The following ANO4 variants were observed in gnomAD, a reference collection of about 807,000 sequenced individuals.
ANO4 encodes the protein anoctamin-4.
ANO4 carries 69 observed loss-of-function variants against 141.9 expected under a neutral mutation model. That is an observed-to-expected ratio of 0.49 (90% confidence interval 0.40 to 0.59). The LOEUF is 0.59. ANO4 is among the 20% of genes least tolerant of loss of function. The pLI is 0.00. For synonymous variants in ANO4, 350 were observed against 394.3 expected (o/e 0.89, Z 1.33); for missense variants, 894 against 1,162.2 (o/e 0.77, Z 3.36).
At chr12:100,785,300 T>C (rs1399451) in intron 3 of ANO4, among the ~76,000 whole-genome samples, 29,757 of 152,084 alleles carry the variant, frequency 0.2, 3,174 homozygotes, top group African/African-American at 0.25. Context: ...TATGGTATAT[T>C]CTATGGGTTT....
chr12:100,987,530 G>T lies in ANO4; in HGVS notation c.603-9G>T, dbSNP rs1436270001. On this transcript the variant is annotated splice_polypyrimidine_tract_variant and intron_variant, in intron 7 of 27. Transcript: ENST00000392977. Reference sequence around the variant, plus strand: ...TGTACCCTTTGGTCTTGCCTTCCATGTACCACAGGATCGATAAACAAATAA... The same window carrying T: ...TGTACCCTTTGGTCTTGCCTTCCATTTACCACAGGATCGATAAACAAATAA... 2 of 1,612,932 alleles carry T rather than the reference G, an allele frequency of 1.2e-6. No homozygotes were observed. The highest frequency in any genetic ancestry group is 2.7e-5 in the African/African-American group (2 of 74,896).
chr12:101,068,696 C>G (rs2048693320), intron 14 of ANO4: 1 of 1,302,908 alleles, frequency 7.7e-7, no homozygotes, highest in African/African-American at 1.4e-5. Context: ...ATCAAAGATT[C>G]TTGTGTGAAA....
At chr12:100,947,621 G>T (rs2042779238) in intron 5 of ANO4, among the ~76,000 whole-genome samples, 1 of 152,204 alleles carries the variant, frequency 6.6e-6, no homozygotes, top group South Asian at 2.1e-4. Context: ...ACACACACAT[G>T]CATGAGCACA....
intron 3 of ANO4, among the ~76,000 whole-genome samples, chr12:100,759,227 A>G (rs915020773): frequency 2.6e-5 from 4 of 152,132 alleles, no homozygotes; most frequent in Non-Finnish European, 4.4e-5. Context: ...GCATCATATT[A>G]GTCTCTCAAT....
At chr12:100,758,861 A>G (rs2032731805) in intron 3 of ANO4, among the ~76,000 whole-genome samples, 1 of 152,126 alleles carries the variant, frequency 6.6e-6, no homozygotes, top group Non-Finnish European at 1.5e-5. Context: ...TTGTGACAAC[A>G]TTACTCAAGT....
chr12:100,924,048 A>G (rs942878674), intron 3 of ANO4, among the ~76,000 whole-genome samples: 1 of 152,108 alleles, frequency 6.6e-6, no homozygotes, highest in Admixed American at 6.6e-5. Context: ...GCCCTTTGTC[A>G]GATGGGTAGA....
chr12:100,834,434 A>G lies in ANO4; in HGVS notation c.-141+39407A>G, dbSNP rs150105752. 2.5e-3 allele frequency among the ~76,000 whole-genome samples: 383 copies of G among 152,222 alleles called. 4 individuals are homozygous for G. Among genetic ancestry groups the G allele is most frequent in the Non-Finnish European group, 4.5e-3 (309 of 68,016 alleles). On this transcript the variant is annotated intron_variant, in intron 1 of 27. Transcript: ENST00000392977. Reference sequence around the variant, plus strand: ...CCAGACCACCAAAACGTTCCCTACCATTTTTACCCTTCAAACTCTGGAAAT... The same window carrying G: ...CCAGACCACCAAAACGTTCCCTACCGTTTTTACCCTTCAAACTCTGGAAAT...
At chr12:100,792,219 C>G (rs1359309133), upstream of ANO4, among the ~76,000 whole-genome samples, 2 of 152,072 alleles carry the variant, frequency 1.3e-5, no homozygotes, top group African/African-American at 4.8e-5. Flanking sequence ...TTAGAAAGCT[C>G]TGTCAACAAG....
At chr12:100,771,577 C>T (rs1387471457) in intron 3 of ANO4, among the ~76,000 whole-genome samples, 3 of 152,052 alleles carry the variant, frequency 2.0e-5, no homozygotes, top group Non-Finnish European at 2.9e-5. Flanking sequence ...GCTGATGGAA[C>T]CCTGAATAAA....
chr12:101,074,139 T>A (rs2048933847), intron 14 of ANO4, among the ~76,000 whole-genome samples: 1 of 152,208 alleles, frequency 6.6e-6, no homozygotes, highest in Non-Finnish European at 1.5e-5. Flanking sequence ...AAAATGCCTA[T>A]GTTCATTAAG....
At chr12:101,103,241 T>C (rs2050282452) in intron 22 of ANO4, among the ~76,000 whole-genome samples, 1 of 136,900 alleles carries the variant, frequency 7.3e-6, no homozygotes, top group Non-Finnish European at 1.6e-5. Context: ...CTTTTTGTTC[T>C]TGCCTAAATG....
At chr12:100,854,595 A>C (rs1429234999) in intron 1 of ANO4, among the ~76,000 whole-genome samples, 1 of 151,310 alleles carries the variant, frequency 6.6e-6, no homozygotes, top group Non-Finnish European at 1.5e-5. Context: ...CAGGTGTATC[A>C]CCTCCCTTAT....
At chr12:100,765,383 T>C (rs75710820) in intron 3 of ANO4, among the ~76,000 whole-genome samples, 6 of 134,788 alleles carry the variant, frequency 4.5e-5, no homozygotes, top group African/African-American at 1.0e-4. Context: ...TTCTTTCTTT[T>C]TTTTTTTTTT....
intron 3 of ANO4, among the ~76,000 whole-genome samples, chr12:100,751,847 T>G (rs144617230): frequency 6.6e-6 from 1 of 152,204 alleles, no homozygotes; most frequent in East Asian, 1.9e-4. Context: ...GGCATTTAAT[T>G]TGGATTTTGA....
At chr12:100,912,616 A>C (rs772792936) in intron 2 of ANO4, among the ~76,000 whole-genome samples, 13 of 152,016 alleles carry the variant, frequency 8.6e-5, no homozygotes, top group Non-Finnish European at 1.5e-4. Flanking sequence ...AGCATTAGTT[A>C]AGAGTGAAAT....
intron 15 of ANO4, among the ~76,000 whole-genome samples, chr12:101,080,862 C>G (rs376340969): frequency 1.5e-4 from 7 of 45,456 alleles, no homozygotes; most frequent in Middle Eastern, 9.8e-3. Flanking sequence ...TTTCTAGGTT[C>G]TAGATATATA....
At chr12:101,042,862 C>T (rs576512687) in intron 12 of ANO4, among the ~76,000 whole-genome samples, 7 of 152,152 alleles carry the variant, frequency 4.6e-5, no homozygotes, top group Non-Finnish European at 1.0e-4. Context: ...GACATCTCAC[C>T]AGCTTGCTAG....
chr12:100,948,730 G>A (rs2042848117), intron 5 of ANO4, among the ~76,000 whole-genome samples: 1 of 152,190 alleles, frequency 6.6e-6, no homozygotes, highest in African/African-American at 2.4e-5. Flanking sequence ...AGTCCTTGTG[G>A]TGGACAGACT....
intron 3 of ANO4, among the ~76,000 whole-genome samples, chr12:100,788,827 A>C (rs1270082887): frequency 1.3e-5 from 2 of 152,066 alleles, no homozygotes; most frequent in Non-Finnish European, 2.9e-5. Context: ...TAAACAAGCA[A>C]TCAAATACAG....
Sources: allele counts gnomAD v4.1 joint callset (sites outside exome capture counted in the v4.1 genomes callset), GRCh38; gene constraint gnomAD v4.1.1; transcripts MANE v1.5; gene names NCBI Gene and HGNC (gene_info 2026-07-23, HGNC 2026-07-21).